The following CCDC7 variants were observed in gnomAD, a reference collection of about 807,000 sequenced individuals.
CCDC7 encodes the protein coiled-coil domain-containing protein 7.
CCDC7 carries 183 observed loss-of-function variants against 196.9 expected under a neutral mutation model. The observed-to-expected ratio is 0.93, with a 90% CI of 0.82 to 1.05. The LOEUF (loss-of-function observed/expected upper bound fraction) is 1.05. Among genes scored for constraint, CCDC7 ranks in the 50% least tolerant of loss-of-function variants. The pLI is 0.00. For missense variants in CCDC7, 1,540 were observed against 1,482.2 expected (o/e 1.04, Z -0.64); for synonymous variants, 525 against 484.6 (o/e 1.08, Z -1.10).
exon 17 of CCDC7, chr10:32,583,163 A>G (rs2058906886): frequency 8.1e-7 from 1 of 1,231,552 alleles, no homozygotes; most frequent in Admixed American, 4.2e-5. Context: ...ATAAATCTCC[A>G]TCAGAGACCC....
exon 28 of CCDC7, chr10:32,729,423 G>C (rs1414548): frequency 0.98 from 1,361,067 of 1,383,800 alleles, 671,895 homozygotes; most frequent in East Asian, 1. Context: ...AATCTCAAAC[G>C]AAGAAACTTC....
At chr10:32,639,461 A>G (rs564977072) in intron 20 of CCDC7, among the ~76,000 whole-genome samples, 216 of 152,196 alleles carry the variant, frequency 1.4e-3, no homozygotes, top group Middle Eastern at 3.4e-3. Context: ...TTCAAAGAAC[A>G]TCTTTAATTT....
intron 28 of CCDC7, among the ~76,000 whole-genome samples, chr10:32,744,229 A>G (rs2074315894): frequency 6.6e-6 from 1 of 152,182 alleles, no homozygotes; most frequent in South Asian, 2.1e-4. Flanking sequence ...GAGATACTAA[A>G]TGTTCAAAGC....
intron 39 of CCDC7, among the ~76,000 whole-genome samples, chr10:32,849,701 C>CAAAAAAAAA (rs34677799): frequency 4.9e-5 from 4 of 80,818 alleles, no homozygotes; most frequent in African/African-American, 2.2e-4. Flanking sequence ...GACTCCGTCT[C>CAAAAAAAAA]AAAAAAAAAA....
chr10:32,592,628 C>A (rs2059888319), intron 18 of CCDC7, among the ~76,000 whole-genome samples: 1 of 151,940 alleles, frequency 6.6e-6, no homozygotes, highest in African/African-American at 2.4e-5. Flanking sequence ...TATACATGTG[C>A]CATATTGGTG....
chr10:32,856,579 A>G (rs1458977649), intron 41 of CCDC7, among the ~76,000 whole-genome samples: 1 of 152,118 alleles, frequency 6.6e-6, no homozygotes, highest in African/African-American at 2.4e-5. Context: ...GGCCAAAGCC[A>G]CAGATGTGCC....
chr10:32,755,995 G>GA (rs1426090614), intron 28 of CCDC7, among the ~76,000 whole-genome samples: 2 of 152,192 alleles, frequency 1.3e-5, no homozygotes, highest in Non-Finnish European at 2.9e-5. Context: ...TCAAGTGGAA[G>GA]AAAGGGTATC....
downstream of CCDC7, among the ~76,000 whole-genome samples, chr10:32,880,643 C>T (rs1343252287): frequency 6.6e-6 from 1 of 152,132 alleles, no homozygotes; most frequent in Non-Finnish European, 1.5e-5. Flanking sequence ...ATGGTATTAC[C>T]TAGATTTTCT....
chr10:32,642,271 A>G (rs1467317842), intron 20 of CCDC7, among the ~76,000 whole-genome samples: 1 of 151,956 alleles, frequency 6.6e-6, no homozygotes, highest in Non-Finnish European at 1.5e-5. Flanking sequence ...AGGCAGTGAG[A>G]CCTCCTTGAG....
chr10:32,750,170 T>C (rs2075436320), intron 28 of CCDC7, among the ~76,000 whole-genome samples: 1 of 152,196 alleles, frequency 6.6e-6, no homozygotes, highest in Non-Finnish European at 1.5e-5. Context: ...ATCTTGCTTT[T>C]TAAAATTTAA....
At chr10:32,856,951 C>A (rs1360693175) in intron 41 of CCDC7, among the ~76,000 whole-genome samples, 2 of 152,110 alleles carry the variant, frequency 1.3e-5, no homozygotes, top group African/African-American at 2.4e-5. Context: ...GGTGTCCTGG[C>A]AGTTCAACAA....
At chr10:32,814,962 G>A (rs2088070020) in intron 31 of CCDC7, among the ~76,000 whole-genome samples, 1 of 152,082 alleles carries the variant, frequency 6.6e-6, no homozygotes, top group South Asian at 2.1e-4. Flanking sequence ...TGCCCAAGGA[G>A]ATGCCCTCAA....
At chr10:32,500,950 G>T (rs2043918973) in intron 9 of CCDC7, among the ~76,000 whole-genome samples, 1 of 152,228 alleles carries the variant, frequency 6.6e-6, no homozygotes, top group African/African-American at 2.4e-5. Flanking sequence ...GCAGGCTGAG[G>T]CAGGAGAATC....
intron 9 of CCDC7, among the ~76,000 whole-genome samples, chr10:32,502,207 C>T (rs372163813): frequency 3.9e-4 from 60 of 152,174 alleles, no homozygotes; most frequent in African/African-American, 1.4e-3. Context: ...AAGAGAATTT[C>T]CTGGTCTGCC....
chr10:32,523,393 G>A lies in CCDC7; in HGVS notation c.993+4888G>A, dbSNP rs546722894. ...AAACCCTGTCTCTACTAAAAAATAC[G>A]AAAAAATTAGCTGGGCATGGTGGCA... On this transcript the variant is annotated intron_variant, in intron 11 of 41. Transcript: ENST00000639629. Among the ~76,000 whole-genome samples the A allele has an allele frequency of 7.2e-5, 11 of 151,882 alleles. No homozygotes were observed. The South Asian group carries it at 8.3e-4, about 11-fold the overall frequency.
At chr10:32,481,116 T>G (rs2039890996) in intron 8 of CCDC7, among the ~76,000 whole-genome samples, 1 of 152,204 alleles carries the variant, frequency 6.6e-6, no homozygotes, top group South Asian at 2.1e-4. Flanking sequence ...CTGTTTTTGA[T>G]TTAAAGTATC....
intron 25 of CCDC7, among the ~76,000 whole-genome samples, chr10:32,722,333 G>A (rs1175552369): frequency 6.6e-6 from 1 of 152,060 alleles, no homozygotes; most frequent in Non-Finnish European, 1.5e-5. Context: ...TGGTCCAGTG[G>A]GACCCATGCA....
chr10:32,498,757 T>G (rs2043319733), intron 9 of CCDC7, among the ~76,000 whole-genome samples: 2 of 152,200 alleles, frequency 1.3e-5, no homozygotes, highest in Admixed American at 1.3e-4. Context: ...GATCTGCTGT[T>G]AGTCTGATGG....
chr10:32,740,560 A>G (rs2085656836), intron 28 of CCDC7, among the ~76,000 whole-genome samples: 1 of 152,196 alleles, frequency 6.6e-6, no homozygotes, highest in South Asian at 2.1e-4. Flanking sequence ...AGATTTTGGC[A>G]TATGTGTGTG....
Sources: allele counts gnomAD v4.1 joint callset (sites outside exome capture counted in the v4.1 genomes callset), GRCh38; gene constraint gnomAD v4.1.1; transcripts MANE v1.5; gene names NCBI Gene and HGNC (gene_info 2026-07-23, HGNC 2026-07-21).